HAT1: variants seen among roughly 807,000 people sequenced by gnomAD.
HAT1 encodes the protein histone acetyltransferase type B catalytic subunit.
A neutral mutation model predicts 56.6 loss-of-function variants in HAT1; 20 were observed. The ratio of observed to expected loss-of-function variants is 0.35; its 90% CI spans 0.25 to 0.51. HAT1 has a LOEUF of 0.51. Among genes scored for constraint, HAT1 ranks in the 20% least tolerant of loss-of-function variants. The pLI is 0.95. For missense variants in HAT1, 408 were observed against 504.3 expected (o/e 0.81, Z 1.83); for synonymous variants, 146 against 165.5 (o/e 0.88, Z 0.91).
chr2:171,946,570 A>C (rs949097600), intron 2 of HAT1, 138 bp from the exon 3 acceptor site: 11 of 622,466 alleles, frequency 1.8e-5, no homozygotes, highest in Non-Finnish European at 3.1e-5. Context: ...TAAATCATAT[A>C]ATGGTGAAAT....
intron 3 of HAT1, among the ~76,000 whole-genome samples, chr2:171,949,476 C>A (rs563483819): frequency 6.6e-6 from 1 of 151,994 alleles, no homozygotes; most frequent in African/African-American, 2.4e-5. Context: ...CAGGAGTTTG[C>A]GACCAGCCTG....
intron 4 of HAT1, among the ~76,000 whole-genome samples, chr2:171,957,986 T>C (rs1233503947): frequency 2.0e-5 from 3 of 152,198 alleles, no homozygotes; most frequent in African/African-American, 7.2e-5. Flanking sequence ...GAATTAACAA[T>C]TAAACCAACT....
intron 4 of HAT1, 54 bp from the exon 5 acceptor site, chr2:171,965,284 T>A (rs181083430): frequency 1.0e-3 from 1,061 of 1,045,246 alleles, no homozygotes; most frequent in Non-Finnish European, 1.3e-3. Context: ...AAATAAACCA[T>A]ATTCAACTTA....
intron 2 of HAT1, among the ~76,000 whole-genome samples, chr2:171,940,456 C>G (rs1255091800): frequency 6.6e-6 from 1 of 152,112 alleles, no homozygotes; most frequent in Non-Finnish European, 1.5e-5. Flanking sequence ...CTTTTGAATT[C>G]GAGCCTCTCC....
At chr2:171,977,561 T>A (rs1313250977) in intron 9 of HAT1, among the ~76,000 whole-genome samples, 1,142 of 25,086 alleles carry the variant, frequency 0.046, 6 homozygotes, top group Non-Finnish European at 0.055. Flanking sequence ...ATATATATTT[T>A]TTTTTTTTTT....
chr2:171,953,626 T>TAAAAAAAAAAAAAAAAAAAAAAAAAAA (rs587686867), intron 4 of HAT1, among the ~76,000 whole-genome samples: 3 of 84,630 alleles, frequency 3.5e-5, no homozygotes, highest in African/African-American at 5.3e-5. Flanking sequence ...CCCTGTCTCT[T>TAAAAAAAAAAAAAAAAAAAAAAAAAAA]AAAAAAAAAA....
chr2:171,926,824 G>A (rs1054318634), intron 2 of HAT1, among the ~76,000 whole-genome samples: 2 of 152,188 alleles, frequency 1.3e-5, no homozygotes, highest in Non-Finnish European at 2.9e-5. Flanking sequence ...AAATGAAAAT[G>A]TATGTTCACG....
Position 171,965,922 on chromosome 2 carries a change from T to C in HAT1, c.611+14T>C. On this transcript the variant is annotated intron_variant, in intron 6 of 10. Coordinates refer to ENST00000264108, the MANE Select transcript of HAT1 (RefSeq NM_003642.4). ...CTACTTTCTAGTGTAAGTACAGTTC[T>C]AAAGCAACAGTAGACCTTATTACCT... 1 of 1,608,236 alleles carries C rather than the reference T, an allele frequency of 6.2e-7. No individual in the cohort carries two copies. Among genetic ancestry groups the C allele is most frequent in the Non-Finnish European group, 8.5e-7 (1 of 1,175,856 alleles).
At chr2:171,952,057 T>C (rs1462711818) in intron 3 of HAT1, among the ~76,000 whole-genome samples, 1 of 152,232 alleles carries the variant, frequency 6.6e-6, no homozygotes, top group Non-Finnish European at 1.5e-5. Flanking sequence ...TACAGCTTTA[T>C]TGAGATATAT....
At chr2:171,923,637 A>C (rs936548762) in intron 1 of HAT1, 3 of 152,088 alleles carry the variant, frequency 2.0e-5, no homozygotes, top group African/African-American at 7.2e-5. Context: ...TAACCATTCC[A>C]TTTTTATGAA....
At chr2:171,933,471 T>G (rs534329472) in intron 2 of HAT1, among the ~76,000 whole-genome samples, 1 of 151,516 alleles carries the variant, frequency 6.6e-6, no homozygotes, top group Non-Finnish European at 1.5e-5. Flanking sequence ...CTAGTTGCAG[T>G]GAGCCAAGAT....
chr2:171,949,486 G>A (rs1365805093), intron 3 of HAT1, among the ~76,000 whole-genome samples: 2 of 152,100 alleles, frequency 1.3e-5, no homozygotes, highest in Non-Finnish European at 2.9e-5. Context: ...CGACCAGCCT[G>A]GGCAACATGG....
chr2:171,979,183 CT>C (rs1054649084), intron 9 of HAT1, 63 bp from the exon 10 acceptor site: 1 of 773,856 alleles, frequency 1.3e-6, no homozygotes, highest in African/African-American at 1.7e-5. Context: ...ATCCTGTGTT[CT>C]TTTGGGAAAG....
intron 2 of HAT1, among the ~76,000 whole-genome samples, chr2:171,932,580 C>T (rs1449871815): frequency 6.6e-6 from 1 of 152,102 alleles, no homozygotes; most frequent in East Asian, 1.9e-4. Context: ...ATTTAAATGA[C>T]TGTAGAGCGA....
chr2:171,981,147 G>C (rs1688124275), intron 10 of HAT1, among the ~76,000 whole-genome samples: 1 of 152,022 alleles, frequency 6.6e-6, no homozygotes, highest in African/African-American at 2.4e-5. Flanking sequence ...TCCAGCCTGG[G>C]TGACGAGCAA....
At chr2:171,941,996 C>A (rs1687030332) in intron 2 of HAT1, among the ~76,000 whole-genome samples, 1 of 152,118 alleles carries the variant, frequency 6.6e-6, no homozygotes, top group South Asian at 2.1e-4. Context: ...CCTCTGCCTC[C>A]TGGGTTCAAG....
At chr2:171,940,066 G>C (rs1558966073) in intron 2 of HAT1, among the ~76,000 whole-genome samples, 1 of 152,078 alleles carries the variant, frequency 6.6e-6, no homozygotes, top group East Asian at 1.9e-4. Flanking sequence ...CACTGCGTCT[G>C]GCCAAGGTGA....
intron 3 of HAT1, among the ~76,000 whole-genome samples, chr2:171,951,276 A>G (rs1290325687): frequency 6.6e-6 from 1 of 152,174 alleles, no homozygotes; most frequent in African/African-American, 2.4e-5. Context: ...CATATTTTAA[A>G]TAGGTTTTAC....
rs369574662 is a variant in HAT1, at chr2:171,966,777, T to C, written c.717-66T>C. 6.6e-6 allele frequency: 5 copies of C among 759,636 alleles called. No homozygotes were observed. In the East Asian group the frequency reaches 1.1e-4, roughly 16 times the overall value. The allele number at this position is 759,636 out of a possible 1,614,324, so 47.1% of individuals were successfully genotyped here. ...CTTTAAAGTGTTTGTAATACTATAG[T>C]GATCTGCAGGTTTTAAACTGGTCAT... On this transcript the variant is annotated intron_variant, in intron 7 of 10. Coordinates refer to ENST00000264108, the MANE Select transcript of HAT1 (RefSeq NM_003642.4).
Sources: gnomAD v4.1 joint callset for allele counts (sites outside exome capture counted in the v4.1 genomes callset) on GRCh38, gnomAD v4.1.1 for gene constraint, MANE v1.5 for transcripts, NCBI Gene and HGNC (gene_info 2026-07-23, HGNC 2026-07-21) for gene names.